Variants in SLC2A13 observed in about 807,000 individuals in gnomAD.
SLC2A13 encodes the protein solute carrier family 2 member 13.
In SLC2A13, 32 loss-of-function variants were observed where a neutral mutation model predicts 64.4. That is an observed-to-expected ratio of 0.50 (90% CI 0.37 to 0.67). The LOEUF is 0.67. Ranked by LOEUF, SLC2A13 falls within the 30% of genes least tolerant of loss-of-function variation. SLC2A13 has a pLI of 0.00. For missense variants in SLC2A13, 743 were observed against 829.2 expected (o/e 0.90, Z 1.28); for synonymous variants, 338 against 327.1 (o/e 1.03, Z -0.36).
intron 4 of SLC2A13, among the ~76,000 whole-genome samples, chr12:39,905,525 T>C (rs1945248586): frequency 6.6e-6 from 1 of 152,166 alleles, no homozygotes; most frequent in African/African-American, 2.4e-5. Flanking sequence ...TTTACAAATA[T>C]GGTCTAAGAA....
At chr12:39,901,096 C>G (rs547950740) in intron 4 of SLC2A13, among the ~76,000 whole-genome samples, 33 of 152,238 alleles carry the variant, frequency 2.2e-4, no homozygotes, top group African/African-American at 7.5e-4. Context: ...GGAAAGGATT[C>G]CCTATTTAAT....
intron 7 of SLC2A13, among the ~76,000 whole-genome samples, chr12:39,825,195 C>G (rs1942636142): frequency 6.6e-6 from 1 of 152,112 alleles, no homozygotes; most frequent in African/African-American, 2.4e-5. Context: ...AAGTGTCCCT[C>G]ATTAGCAATA....
chr12:39,856,597 G>A (rs1482273857), intron 6 of SLC2A13, among the ~76,000 whole-genome samples: 2 of 152,138 alleles, frequency 1.3e-5, no homozygotes, highest in African/African-American at 4.8e-5. Flanking sequence ...TCGATCTCTT[G>A]ACCTCGTGAT....
chr12:40,082,531 G>C (rs1938443878), intron 1 of SLC2A13, among the ~76,000 whole-genome samples: 1 of 152,208 alleles, frequency 6.6e-6, no homozygotes, highest in Non-Finnish European at 1.5e-5. Context: ...GGCCAGGCAG[G>C]GACCCTGGGA....
intron 6 of SLC2A13, among the ~76,000 whole-genome samples, chr12:39,839,049 AT>A (rs1943106876): frequency 6.6e-6 from 1 of 152,056 alleles, no homozygotes; most frequent in Non-Finnish European, 1.5e-5. Flanking sequence ...TTATGCATGA[AT>A]TGACACCTAT....
intron 1 of SLC2A13, among the ~76,000 whole-genome samples, chr12:40,068,052 C>T (rs938613157): frequency 6.6e-6 from 1 of 152,012 alleles, no homozygotes; most frequent in African/African-American, 2.4e-5. Flanking sequence ...AACGGGGAAC[C>T]ACTACCATGC....
chr12:40,070,919 A>T (rs1937933150), intron 1 of SLC2A13, among the ~76,000 whole-genome samples: 1 of 152,160 alleles, frequency 6.6e-6, no homozygotes, highest in African/African-American at 2.4e-5. Context: ...TATAAGCAGG[A>T]CAAATATCAG....
intron 9 of SLC2A13, among the ~76,000 whole-genome samples, chr12:39,762,853 C>T (rs1940208259): frequency 6.6e-6 from 1 of 152,006 alleles, no homozygotes; most frequent in African/African-American, 2.4e-5. Flanking sequence ...AAGCAACACA[C>T]TTTTAACTGT....
chr12:40,025,102 A>G (rs1349943653), intron 3 of SLC2A13, among the ~76,000 whole-genome samples: 1 of 152,198 alleles, frequency 6.6e-6, no homozygotes, highest in Non-Finnish European at 1.5e-5. Flanking sequence ...TGTTTTGCCA[A>G]CTATAGTGGA....
At chr12:39,988,714 GAAGGAAGGAAGGAA>G (rs1947079120) in intron 3 of SLC2A13, among the ~76,000 whole-genome samples, 1 of 123,492 alleles carries the variant, frequency 8.1e-6, no homozygotes, top group Non-Finnish European at 1.7e-5. Context: ...AGGAAGGAAG[GAAGGAAGGAAGGAA>G]GGGGGGGAGG....
At chr12:40,024,972 C>T (rs561863734) in intron 3 of SLC2A13, among the ~76,000 whole-genome samples, 1 of 152,306 alleles carries the variant, frequency 6.6e-6, no homozygotes, top group Admixed American at 6.5e-5. Flanking sequence ...AGCGAGCTCT[C>T]CAAACCAAGC....
At chr12:39,887,328 T>C (rs751932635) in intron 4 of SLC2A13, among the ~76,000 whole-genome samples, 3 of 152,166 alleles carry the variant, frequency 2.0e-5, no homozygotes, top group Non-Finnish European at 4.4e-5. Flanking sequence ...CTGTTACAAG[T>C]TATATCCCAA....
chr12:40,044,569 T>A (rs988191437), intron 2 of SLC2A13, among the ~76,000 whole-genome samples: 3 of 152,202 alleles, frequency 2.0e-5, no homozygotes, highest in Non-Finnish European at 4.4e-5. Flanking sequence ...CCAGATGGTA[T>A]CCTTCCCAGT....
intron 6 of SLC2A13, among the ~76,000 whole-genome samples, chr12:39,845,399 C>T (rs973092309): frequency 1.3e-5 from 2 of 152,064 alleles, no homozygotes; most frequent in African/African-American, 4.8e-5. Context: ...CACTATAACA[C>T]TTGGCATTAG....
chr12:39,810,087 C>A (rs918410839), intron 7 of SLC2A13, among the ~76,000 whole-genome samples: 5 of 152,198 alleles, frequency 3.3e-5, no homozygotes, highest in African/African-American at 4.8e-5. Flanking sequence ...GCCACACTGA[C>A]TTCCACAATG....
intron 3 of SLC2A13, among the ~76,000 whole-genome samples, chr12:39,996,653 A>G (rs1172818779): frequency 6.6e-6 from 1 of 152,204 alleles, no homozygotes; most frequent in Non-Finnish European, 1.5e-5. Flanking sequence ...TGCTTCAGCC[A>G]TGGCTGGAAG....
At chr12:40,035,149 TG>T (rs1481859595) in intron 2 of SLC2A13, among the ~76,000 whole-genome samples, 5 of 152,200 alleles carry the variant, frequency 3.3e-5, no homozygotes, top group African/African-American at 9.7e-5. Flanking sequence ...TTTCATATAC[TG>T]AAGGAATAAT....
intron 4 of SLC2A13, among the ~76,000 whole-genome samples, chr12:39,931,091 T>C (rs7967427): frequency 0.063 from 9,592 of 152,246 alleles, 495 homozygotes; most frequent in East Asian, 0.26. Context: ...GTCATTTCAG[T>C]TTTTCTGACT....
intron 7 of SLC2A13, among the ~76,000 whole-genome samples, chr12:39,783,035 G>T (rs976295385): frequency 2.6e-5 from 4 of 151,632 alleles, no homozygotes; most frequent in African/African-American, 9.7e-5. Context: ...CCCACCCCAC[G>T]ACAGGCCCTG....
Sources: gnomAD v4.1 joint callset for allele counts (sites outside exome capture counted in the v4.1 genomes callset) on GRCh38, gnomAD v4.1.1 for gene constraint, MANE v1.5 for transcripts, NCBI Gene and HGNC (gene_info 2026-07-23, HGNC 2026-07-21) for gene names.